SEMA6A: variants seen among roughly 807,000 people sequenced by gnomAD.
The protein encoded by SEMA6A is semaphorin-6A.
Under a neutral mutation model 96.8 loss-of-function variants are expected in SEMA6A, and 25 were observed. The ratio of observed to expected loss-of-function variants is 0.26; its 90% CI spans 0.19 to 0.36. The LOEUF (loss-of-function observed/expected upper bound fraction) is 0.36. SEMA6A is among the 10% of genes least tolerant of loss of function. The pLI, the probability that SEMA6A is intolerant of heterozygous loss-of-function variation, is 1.00. For missense variants in SEMA6A, 1,363 were observed against 1,323.1 expected (o/e 1.03, Z -0.47); for synonymous variants, 612 against 518.0 (o/e 1.18, Z -2.46).
At chr5:116,491,927 T>C in intron 6 of SEMA6A, 97 bp from the exon 7 acceptor site, 1 of 965,112 alleles carries the variant, frequency 1.0e-6, no homozygotes, top group South Asian at 1.4e-5. Context: ...CCTTTTGTAA[T>C]CTGTAATCAC....
intron 1 of SEMA6A, among the ~76,000 whole-genome samples, chr5:116,528,940 A>G (rs924258114): frequency 3.3e-5 from 5 of 152,150 alleles, no homozygotes; most frequent in Admixed American, 6.5e-5. Flanking sequence ...AACACATGAA[A>G]AAGACAAATG....
intron 1 of SEMA6A, among the ~76,000 whole-genome samples, chr5:116,511,723 G>C (rs1402061271): frequency 6.6e-6 from 1 of 152,202 alleles, no homozygotes; most frequent in African/African-American, 2.4e-5. Flanking sequence ...GCCTTAAGGT[G>C]ATAGAAAGAT....
chr5:116,472,705 T>C, intron 17 of SEMA6A: 1 of 516,066 alleles, frequency 1.9e-6, no homozygotes, highest in African/African-American at 2.0e-5. Flanking sequence ...CCCACATCAA[T>C]TGTCTCACAT....
At chr5:116,515,917 C>T (rs1561510811) in intron 1 of SEMA6A, among the ~76,000 whole-genome samples, 1 of 152,186 alleles carries the variant, frequency 6.6e-6, no homozygotes, top group Non-Finnish European at 1.5e-5. Flanking sequence ...TCATCAGTCA[C>T]GAATGATTTA....
At chr5:116,460,447 TC>T (rs1490302577) in intron 18 of SEMA6A, among the ~76,000 whole-genome samples, 1 of 152,156 alleles carries the variant, frequency 6.6e-6, no homozygotes, top group African/African-American at 2.4e-5. Flanking sequence ...ATAAATTAGA[TC>T]TTATATATTC....
intron 18 of SEMA6A, among the ~76,000 whole-genome samples, chr5:116,462,983 T>C (rs1297189771): frequency 1.3e-5 from 2 of 152,140 alleles, no homozygotes; most frequent in African/African-American, 4.8e-5. Context: ...CTTGATATCA[T>C]TATCACAAAT....
At chr5:116,491,606 A>T (rs1370174474) in intron 7 of SEMA6A, 134 bp downstream of exon 7, 2 of 675,176 alleles carry the variant, frequency 3.0e-6, no homozygotes, top group Non-Finnish European at 5.3e-6. Flanking sequence ...TCAAACAGAA[A>T]GGCATTCTTA....
chr5:116,560,991 T>TA (rs1231544859), intron 1 of SEMA6A, among the ~76,000 whole-genome samples: 1 of 152,206 alleles, frequency 6.6e-6, no homozygotes, highest in African/African-American at 2.4e-5. Flanking sequence ...AATATTTTTT[T>TA]AATTTTAAAT....
chr5:116,455,987 T>A lies in SEMA6A; in HGVS notation c.1895-8176A>T, dbSNP rs188861066. On this transcript the variant is annotated intron_variant, in intron 18 of 18. Transcript: ENST00000343348. ...GTGCAGAAAACGTGTTAATGCTCAATTAATAATGTAAGGACAGTATTTCTA... is the reference window on the plus strand; with the variant it reads ...GTGCAGAAAACGTGTTAATGCTCAAATAATAATGTAAGGACAGTATTTCTA... Among the ~76,000 whole-genome samples, 198 of 152,338 alleles carry A rather than the reference T, an allele frequency of 1.3e-3. 3 individuals are homozygous for A. The highest frequency in any genetic ancestry group is 4.6e-3 in the African/African-American group (191 of 41,578).
rs1216797439 is a variant in SEMA6A, at chr5:116,558,702, T to C, written c.-39+15483A>G. On this transcript the variant is annotated intron_variant, in intron 1 of 18. Coordinates refer to ENST00000343348, the MANE Select transcript of SEMA6A (RefSeq NM_020796.5). ...TGGTCTCGATCTCCTGACCTCATGA[T>C]CCACCCGCCTCGGCCTCCCAAAGTG... Among the ~76,000 whole-genome samples the C allele has an allele frequency of 1.9e-4, 2 of 10,528 alleles. 1 individual carries two copies. The highest frequency in any genetic ancestry group is 3.8e-4 in the African/African-American group (2 of 5,326). 6.9% of individuals were successfully genotyped at this position (10,528 alleles called of 152,430 possible). A position where few individuals can be genotyped will look rare whatever the true frequency, so the allele number is the denominator to read the frequency against.
chr5:116,554,388 C>G (rs749637341), intron 1 of SEMA6A, among the ~76,000 whole-genome samples: 1 of 152,154 alleles, frequency 6.6e-6, no homozygotes, highest in Non-Finnish European at 1.5e-5. Context: ...ATTTATGGGG[C>G]ATAGTCAAAC....
intron 6 of SEMA6A, among the ~76,000 whole-genome samples, chr5:116,494,061 CCTCT>C (rs998792220): frequency 5.3e-5 from 8 of 151,966 alleles, no homozygotes; most frequent in Non-Finnish European, 1.0e-4. Flanking sequence ...TCTTGACTCA[CCTCT>C]CTCTCTCTTT....
At chr5:116,496,683 C>G (rs899010909) in intron 4 of SEMA6A, among the ~76,000 whole-genome samples, 5 of 152,148 alleles carry the variant, frequency 3.3e-5, no homozygotes, top group African/African-American at 1.2e-4. Context: ...GTTGATAAAT[C>G]AATTTTTATA....
chr5:116,502,319 G>C lies in SEMA6A; in HGVS notation c.109C>G (p.Gln37Glu), dbSNP rs368021062. ...ISISHGNYTK[Q>E]YPVFVGHKPG... Reference sequence around the variant, plus strand: ...TTGTGGCCCACAAACACCGGATACTGTTTTGTATCTGTGAAAAGAGGAGAT... The same window carrying C: ...TTGTGGCCCACAAACACCGGATACTCTTTTGTATCTGTGAAAAGAGGAGAT... Residue 37 changes from glutamine to glutamate, a missense_variant, in exon 3 of 19, where the codon CAG (glutamine) becomes GAG (glutamate). By Grantham distance (29) the Gln-to-Glu change is conservative. Transcript: ENST00000343348. 1 of 1,613,530 alleles carries C rather than the reference G, an allele frequency of 6.2e-7. No individual in the cohort carries two copies. Among genetic ancestry groups the C allele is most frequent in the Non-Finnish European group, 8.5e-7 (1 of 1,179,622 alleles).
chr5:116,561,015 C>T (rs1298786865), intron 1 of SEMA6A, among the ~76,000 whole-genome samples: 1 of 152,090 alleles, frequency 6.6e-6, no homozygotes, highest in Admixed American at 6.5e-5. Flanking sequence ...GAGTACACAA[C>T]ACAGCTATAT....
intron 1 of SEMA6A, among the ~76,000 whole-genome samples, chr5:116,532,651 C>T (rs1206931530): frequency 1.3e-5 from 2 of 152,164 alleles, no homozygotes; most frequent in African/African-American, 4.8e-5. Context: ...TGGACACTCC[C>T]TTTCCCATTT....
intron 11 of SEMA6A, 145 bp from the exon 12 acceptor site, chr5:116,480,422 C>T (rs1472090299): frequency 3.2e-6 from 3 of 943,020 alleles, no homozygotes; most frequent in South Asian, 3.2e-5. Context: ...TGCAGAATGC[C>T]ACCAAGCACA....
At chr5:116,554,733 C>A (rs1250110839) in intron 1 of SEMA6A, 1 of 152,074 alleles carries the variant, frequency 6.6e-6, no homozygotes, top group Non-Finnish European at 1.5e-5. Flanking sequence ...AACAAATATT[C>A]AGTACCTTTT....
At chr5:116,501,657 G>T (rs1312848851) in intron 3 of SEMA6A, among the ~76,000 whole-genome samples, 1 of 152,174 alleles carries the variant, frequency 6.6e-6, no homozygotes, top group African/African-American at 2.4e-5. Flanking sequence ...GGAGGCCGAG[G>T]TGGGTGAATC....
Sources: allele counts gnomAD v4.1 joint callset (sites outside exome capture counted in the v4.1 genomes callset), GRCh38; gene constraint gnomAD v4.1.1; transcripts MANE v1.5; gene names NCBI Gene and HGNC (gene_info 2026-07-23, HGNC 2026-07-21).